ERAP1: variants seen among roughly 807,000 people sequenced by gnomAD.
The protein encoded by ERAP1 is endoplasmic reticulum aminopeptidase 1, also known as adipocyte-derived leucine aminopeptidase.
In ERAP1, 86 loss-of-function variants were observed where a neutral mutation model predicts 103.7. The observed-to-expected ratio is 0.83, with a 90% CI of 0.70 to 0.99. ERAP1 has a LOEUF of 0.99. Ranked by LOEUF, ERAP1 falls within the 50% of genes least tolerant of loss-of-function variation. The probability of loss-of-function intolerance (pLI) is 0.00; values close to 1 mark genes in which losing one functional copy is unlikely to be tolerated. For synonymous variants in ERAP1, 398 were observed against 402.4 expected (o/e 0.99, Z 0.13); for missense variants, 1,009 against 1,128.4 (o/e 0.89, Z 1.52).
the ERAP1 span, among the ~76,000 whole-genome samples, chr5:96,895,816 G>T: frequency 0.54 from 82,281 of 151,936 alleles, 22,339 homozygotes; most frequent in Admixed American, 0.59. Flanking sequence ...TTTTAAAAAC[G>T]AATATAGTGG....
At chr5:96,915,723 T>G in the ERAP1 span, 2 of 1,598,978 alleles carry the variant, frequency 1.3e-6, no homozygotes, top group Admixed American at 3.5e-5. Flanking sequence ...AGGATGATCA[T>G]CTCTGGCACA....
the ERAP1 span, chr5:96,889,257 GA>G: frequency 6.2e-7 from 1 of 1,613,958 alleles, no homozygotes; most frequent in Non-Finnish European, 8.5e-7. Flanking sequence ...GAAGCTACTT[GA>G]TTTTTATGAA....
At chr5:96,822,783 T>G in the ERAP1 span, among the ~76,000 whole-genome samples, 1 of 152,186 alleles carries the variant, frequency 6.6e-6, no homozygotes, top group African/African-American at 2.4e-5. Context: ...GCATTACTTT[T>G]CCATGTGACA....
chr5:96,829,059 G>A, the ERAP1 span, among the ~76,000 whole-genome samples: 1 of 152,138 alleles, frequency 6.6e-6, no homozygotes, highest in Non-Finnish European at 1.5e-5. Context: ...TGTTGGCCAG[G>A]ATGGTCTCAA....
intron 3 of ERAP1, among the ~76,000 whole-genome samples, chr5:96,800,445 A>G (rs1263988350): frequency 6.6e-6 from 1 of 152,256 alleles, no homozygotes; most frequent in Non-Finnish European, 1.5e-5. Context: ...ATATTACTAT[A>G]TAGTATATGT....
At chr5:96,826,945 G>A in the ERAP1 span, among the ~76,000 whole-genome samples, 1 of 152,144 alleles carries the variant, frequency 6.6e-6, no homozygotes, top group Non-Finnish European at 1.5e-5. Flanking sequence ...TTAGTGCAAG[G>A]AATAGCTATA....
At chr5:96,897,919 G>C in the ERAP1 span, among the ~76,000 whole-genome samples, 5 of 152,106 alleles carry the variant, frequency 3.3e-5, no homozygotes, top group Non-Finnish European at 7.4e-5. Flanking sequence ...TTTCATGGCC[G>C]GGTACAATGG....
chr5:96,842,591 T>C, the ERAP1 span, among the ~76,000 whole-genome samples: 1 of 152,224 alleles, frequency 6.6e-6, no homozygotes, highest in Non-Finnish European at 1.5e-5. Flanking sequence ...CATCTTCTTT[T>C]GAGAATTGTC....
At chr5:96,882,798 G>A in the ERAP1 span, among the ~76,000 whole-genome samples, 1 of 152,168 alleles carries the variant, frequency 6.6e-6, no homozygotes, top group Non-Finnish European at 1.5e-5. Context: ...CCCAGCCTGT[G>A]TCATAGAAAT....
chr5:96,895,935 A>T, the ERAP1 span, among the ~76,000 whole-genome samples: 1 of 152,184 alleles, frequency 6.6e-6, no homozygotes, highest in Admixed American at 6.6e-5. Flanking sequence ...ATTCAAAGTT[A>T]GGCTCTTCTT....
chr5:96,828,373 GTAA>G, the ERAP1 span, among the ~76,000 whole-genome samples: 3 of 151,958 alleles, frequency 2.0e-5, no homozygotes, highest in Admixed American at 6.6e-5. Flanking sequence ...ATAAACATTA[GTAA>G]TAATAATAAT....
chr5:96,800,773 T>C, intron 3 of ERAP1, 89 bp downstream of exon 3: 2 of 1,389,032 alleles, frequency 1.4e-6, no homozygotes, highest in Non-Finnish European at 2.0e-6. Flanking sequence ...ACAAAACAGG[T>C]GACCCAATGT....
At chr5:96,916,925 T>C in the ERAP1 span, among the ~76,000 whole-genome samples, 4 of 152,164 alleles carry the variant, frequency 2.6e-5, no homozygotes, top group African/African-American at 9.7e-5. Context: ...TTAGCCACAT[T>C]GTGGTCACTT....
the ERAP1 span, chr5:96,903,227 G>T: frequency 1.7e-6 from 1 of 580,886 alleles, no homozygotes. Flanking sequence ...AAATCATCCA[G>T]TGAACTACGA....
chr5:96,807,288 G>C (rs1323821659), intron 1 of ERAP1, among the ~76,000 whole-genome samples: 2 of 152,206 alleles, frequency 1.3e-5, no homozygotes, highest in Admixed American at 6.5e-5. Context: ...GAGAAGCAGG[G>C]AGGGAAGTGA....
At chr5:96,822,064 C>CA in the ERAP1 span, among the ~76,000 whole-genome samples, 1 of 152,192 alleles carries the variant, frequency 6.6e-6, no homozygotes, top group Non-Finnish European at 1.5e-5. Flanking sequence ...ATGTCATTAA[C>CA]ACATCAGCGT....
chr5:96,764,426 T>TA (rs1377906706), intron 19 of ERAP1, among the ~76,000 whole-genome samples: 7 of 152,194 alleles, frequency 4.6e-5, no homozygotes, highest in African/African-American at 1.7e-4. Flanking sequence ...TTGTTGTCCA[T>TA]AATTTTTTTC....
the ERAP1 span, among the ~76,000 whole-genome samples, chr5:96,868,102 C>CA: frequency 6.6e-6 from 1 of 151,814 alleles, no homozygotes; most frequent in South Asian, 2.1e-4. Flanking sequence ...AACAAACAAA[C>CA]AAAAAAACTC....
In ERAP1 at chr5:96,781,004, C is replaced by T. The variant is rs747503552; in HGVS notation, c.2588+54G>A. On this transcript the variant is annotated intron_variant, in intron 17 of 18. Coordinates refer to ENST00000443439, the MANE Select transcript of ERAP1 (RefSeq NM_001040458.3). ...TCTTTTACAAACAGCAAGGCTAAAA[C>T]ACAGTAAGGTTATGAACTTATCCAG... 37 of 1,606,882 alleles carry T rather than the reference C, an allele frequency of 2.3e-5. 1 individual carries two copies. Among genetic ancestry groups the T allele is most frequent in the East Asian group, 6.7e-5 (3 of 44,840 alleles).
Sources: gnomAD v4.1 joint callset for allele counts (sites outside exome capture counted in the v4.1 genomes callset) on GRCh38, gnomAD v4.1.1 for gene constraint, MANE v1.5 for transcripts, NCBI Gene and HGNC (gene_info 2026-07-23, HGNC 2026-07-21) for gene names.